SLC37A1: variants seen among roughly 807,000 people sequenced by gnomAD.
SLC37A1 encodes glucose-6-phosphate exchanger SLC37A1.
Under a neutral mutation model 75.3 loss-of-function variants are expected in SLC37A1, and 49 were observed. That is an observed-to-expected ratio of 0.65 (90% CI 0.52 to 0.83). SLC37A1 has a LOEUF of 0.83. SLC37A1 is among the 40% of genes least tolerant of loss of function. SLC37A1 has a pLI of 0.00. For missense variants in SLC37A1, 566 were observed against 695.0 expected (o/e 0.81, Z 2.09); for synonymous variants, 268 against 292.1 (o/e 0.92, Z 0.84).
intron 3 of SLC37A1, among the ~76,000 whole-genome samples, chr21:42,530,574 C>G (rs953649995): frequency 4.1e-5 from 6 of 148,002 alleles, no homozygotes; most frequent in African/African-American, 1.5e-4. Flanking sequence ...GTTGACTAGA[C>G]AGATCGTCAA....
chr21:42,569,165 G>A (rs545890508), intron 17 of SLC37A1, among the ~76,000 whole-genome samples: 54 of 152,316 alleles, frequency 3.5e-4, no homozygotes, highest in Admixed American at 1.7e-3. Flanking sequence ...CACTTGCTGC[G>A]TGGGGGTCTC....
intron 2 of SLC37A1, among the ~76,000 whole-genome samples, chr21:42,503,444 G>C (rs538429165): frequency 6.6e-6 from 1 of 151,820 alleles, no homozygotes; most frequent in South Asian, 2.1e-4. Flanking sequence ...GTAGAGACAG[G>C]GTTTTGCCAT....
chr21:42,520,088 T>G (rs1255066104), intron 2 of SLC37A1, among the ~76,000 whole-genome samples: 2 of 152,138 alleles, frequency 1.3e-5, no homozygotes, highest in Non-Finnish European at 2.9e-5. Context: ...CGTGTGTATT[T>G]CCTATGAATA....
At chr21:42,572,394 G>GT (rs2056197231) in intron 17 of SLC37A1, among the ~76,000 whole-genome samples, 1 of 152,014 alleles carries the variant, frequency 6.6e-6, no homozygotes, top group Admixed American at 6.5e-5. Context: ...TTTCTGATTT[G>GT]TTTTTTCTTT....
At chr21:42,502,906 G>A (rs2054353278) in intron 2 of SLC37A1, 1 of 152,028 alleles carries the variant, frequency 6.6e-6, no homozygotes, top group Non-Finnish European at 1.5e-5. Context: ...TTAGAAAATT[G>A]GGAACATACA....
chr21:42,570,556 G>C (rs1050101405), intron 17 of SLC37A1, among the ~76,000 whole-genome samples: 3 of 152,182 alleles, frequency 2.0e-5, no homozygotes, highest in Non-Finnish European at 4.4e-5. Flanking sequence ...CGTTGTGACT[G>C]CGTGGCCTTC....
chr21:42,574,863 G>A lies in SLC37A1; in HGVS notation c.1469G>A (p.Gly490Asp). 2 of 1,614,172 alleles carry A rather than the reference G, an allele frequency of 1.2e-6. No homozygotes were observed. The highest frequency in any genetic ancestry group is 1.7e-6 in the Non-Finnish European group (2 of 1,180,014). ...CTGGCTGGGCTCCTCTCCCCGTCCG[G>A]CTGGAGCAATGTGTTTTACATGCTG... ...PLLAGLLSPS[G>D]WSNVFYMLMF... Residue 490 changes from glycine to aspartate, a missense_variant, in exon 18 of 20, where the codon GGC (glycine) becomes GAC (aspartate). Gly to Asp is a moderately conservative substitution (Grantham distance 94). Coordinates refer to ENST00000352133, the MANE Select transcript of SLC37A1 (RefSeq NM_001320537.2).
chr21:42,549,662 G>A (rs1044814538), intron 9 of SLC37A1, among the ~76,000 whole-genome samples: 1 of 152,162 alleles, frequency 6.6e-6, no homozygotes, highest in African/African-American at 2.4e-5. Flanking sequence ...CTTCCTGAGG[G>A]AGCTGAGGGC....
intron 2 of SLC37A1, among the ~76,000 whole-genome samples, chr21:42,505,868 G>A (rs1054714030): frequency 1.3e-5 from 2 of 152,158 alleles, no homozygotes; most frequent in African/African-American, 4.8e-5. Flanking sequence ...CAACTAGATT[G>A]TTCATTTCCT....
intron 2 of SLC37A1, among the ~76,000 whole-genome samples, chr21:42,505,945 T>C (rs1037077587): frequency 6.6e-6 from 1 of 152,218 alleles, no homozygotes; most frequent in African/African-American, 2.4e-5. Flanking sequence ...AAACATTCAA[T>C]GACCCTACAT....
chr21:42,507,984 C>T (rs567599409), intron 2 of SLC37A1, among the ~76,000 whole-genome samples: 1 of 152,110 alleles, frequency 6.6e-6, no homozygotes, highest in African/African-American at 2.4e-5. Flanking sequence ...TTCATTCTCC[C>T]ATCAGACAGT....
At chr21:42,503,927 C>T (rs139462888) in intron 2 of SLC37A1, among the ~76,000 whole-genome samples, 8 of 152,310 alleles carry the variant, frequency 5.3e-5, no homozygotes, top group East Asian at 1.9e-4. Context: ...AGGAACCAGA[C>T]GGGGCCCCTG....
rs1627378 is a variant in SLC37A1, at chr21:42,579,528, T to A, written c.1522-208T>A. ...GGGCCTTCATCAGACAGCCCTGCCC[T>A]CATCAGACAGCCCTGCCCACAGGAG... On this transcript the variant is annotated intron_variant, in intron 18 of 19. Transcript: ENST00000352133. Among the ~76,000 whole-genome samples, 58 of 140,918 alleles carry A rather than the reference T, an allele frequency of 4.1e-4. 1 individual carries two copies. The highest frequency in any genetic ancestry group is 3.5e-3 in the Middle Eastern group (1 of 284). 92.4% of individuals were successfully genotyped at this position (140,918 alleles called of 152,430 possible). A position where few individuals can be genotyped will look rare whatever the true frequency, so the allele number is the denominator to read the frequency against.
At chr21:42,561,916 C>A in intron 11 of SLC37A1, 162 bp from the exon 12 acceptor site, 1 of 645,134 alleles carries the variant, frequency 1.6e-6, no homozygotes, top group Non-Finnish European at 2.8e-6. Flanking sequence ...CTACACCACA[C>A]AGCGGTGCAG....
At position 42,530,654 on chromosome 21, in the gene SLC37A1, A is replaced by ACCC. The variant is rs1555882111; in HGVS notation, c.139-4041_139-4039dup. 1.9e-3 allele frequency among the ~76,000 whole-genome samples: 68 copies of ACCC among 35,894 alleles called. 1 individual carries two copies. The highest frequency in any genetic ancestry group is 9.6e-3 in the Middle Eastern group (1 of 104). The allele number at this position is 35,894 out of a possible 152,430, so 23.5% of individuals were successfully genotyped here. A position where few individuals can be genotyped will look rare whatever the true frequency, so the allele number is the denominator to read the frequency against. ...CACACACACACACACACACACACAC[A>ACCC]CCCCCTCTGTGTTGGCTGAAGGTGG... On this transcript the variant is annotated intron_variant, in intron 3 of 19. Transcript: ENST00000352133.
At chr21:42,512,310 T>C (rs2054443882), upstream of SLC37A1, among the ~76,000 whole-genome samples, 2 of 151,896 alleles carry the variant, frequency 1.3e-5, no homozygotes, top group African/African-American at 4.8e-5. Flanking sequence ...GCCTTTCAAG[T>C]GTAAAACCTG....
chr21:42,521,841 A>G (rs544883999), intron 2 of SLC37A1, among the ~76,000 whole-genome samples: 1 of 152,384 alleles, frequency 6.6e-6, no homozygotes, highest in East Asian at 1.9e-4. Context: ...AAAGGATTAT[A>G]TTAGCCTCCT....
rs2054485744 is a variant in SLC37A1, at chr21:42,514,569, C to G, written c.-327C>G. 1 of 152,284 alleles carries G rather than the reference C, an allele frequency of 6.6e-6. No individual in the cohort carries two copies. Among genetic ancestry groups the G allele is most frequent in the South Asian group, 2.1e-4 (1 of 4,834 alleles). The allele number at this position is 152,284 out of a possible 1,614,324, so 9.4% of individuals were successfully genotyped here. On this transcript the variant is annotated 5_prime_UTR_variant, in exon 1 of 20. Coordinates refer to ENST00000352133, the MANE Select transcript of SLC37A1 (RefSeq NM_001320537.2). This position sits in a 1 kb window ranked among gnomAD's most constrained non-coding sequence, Gnocchi z 4.8. ...TGTTTGTCGGCTGAGCAGCTGGTTC[C>G]CGGAGCCCGTGGGCCTCCTGGCCAA...
At chr21:42,538,545 A>G (rs2055196718) in intron 5 of SLC37A1, among the ~76,000 whole-genome samples, 1 of 152,204 alleles carries the variant, frequency 6.6e-6, no homozygotes, top group African/African-American at 2.4e-5. Flanking sequence ...GAATGACCCT[A>G]CAGAAGAAAG....
Sources: allele counts gnomAD v4.1 joint callset (sites outside exome capture counted in the v4.1 genomes callset), GRCh38; gene constraint gnomAD v4.1.1; non-coding constraint Gnocchi (gnomAD v3.1); transcripts MANE v1.5; gene names NCBI Gene and HGNC (gene_info 2026-07-23, HGNC 2026-07-21).